The following MYLK4 variants were observed in gnomAD, a reference collection of about 807,000 sequenced individuals.
The protein encoded by MYLK4 is myosin light chain kinase family member 4.
In MYLK4, 46 loss-of-function variants were observed where a neutral mutation model predicts 48.1. That is an observed-to-expected ratio of 0.96 (90% CI 0.75 to 1.22). The LOEUF is 1.22. Ranked by LOEUF, MYLK4 falls within the 50% of genes most tolerant of loss-of-function variation. The pLI is 0.00. For synonymous variants in MYLK4, 170 were observed against 180.8 expected, an observed-to-expected ratio of 0.94 and a Z score of 0.48; for missense variants, 451 against 486.1, an observed-to-expected ratio of 0.93 and a Z score of 0.68.
intron 2 of MYLK4, among the ~76,000 whole-genome samples, chr6:2,743,529 G>C (rs1763967463): frequency 1.3e-5 from 2 of 152,322 alleles, no homozygotes; most frequent in South Asian, 4.1e-4. Flanking sequence ...TGCAGGTGCT[G>C]TGTTTGCAAT....
chr6:2,680,571 G>A (rs6939996), intron 7 of MYLK4: 344,137 of 985,042 alleles, frequency 0.35, 61,787 homozygotes, highest in Non-Finnish European at 0.37. Context: ...AGCAAGAAAA[G>A]GAGGTTGCTT....
intron 1 of MYLK4, 67 bp from the exon 2 acceptor site, chr6:2,749,473 A>G (rs112743653): frequency 8.8e-5 from 41 of 463,854 alleles, no homozygotes; most frequent in African/African-American, 7.0e-4. Context: ...TGAGAAAATG[A>G]CCAGTGAGAA....
chr6:2,675,247 C>A, intron 10 of MYLK4, 122 bp from the exon 11 acceptor site: 1 of 711,644 alleles, frequency 1.4e-6, no homozygotes, highest in Non-Finnish European at 2.6e-6. Context: ...AACTCATGGT[C>A]AATTCTGCCT....
At chr6:2,707,519 A>C (rs1048712598) in intron 2 of MYLK4, among the ~76,000 whole-genome samples, 1 of 152,318 alleles carries the variant, frequency 6.6e-6, no homozygotes, top group Admixed American at 6.5e-5. Flanking sequence ...TTCATTTTCT[A>C]TTCACCCCCA....
chr6:2,671,367 A>G lies in MYLK4; in HGVS notation c.1120-19T>C. Reference sequence around the variant, plus strand: ...TCTTCTTCTAGGGAAAGCAGAAGGCATATGGGAAGGATTAGGACTGTTTCC... The same window carrying G: ...TCTTCTTCTAGGGAAAGCAGAAGGCGTATGGGAAGGATTAGGACTGTTTCC... On this transcript the variant is annotated intron_variant, in intron 11 of 12. Transcript: ENST00000274643. 1 of 1,612,784 alleles carries G rather than the reference A, an allele frequency of 6.2e-7. No individual in the cohort carries two copies. Among genetic ancestry groups the G allele is most frequent in the African/African-American group, 1.3e-5 (1 of 75,038 alleles).
rs368022775 is a variant in MYLK4, at chr6:2,683,150, C to T, written c.558G>A (p.Gly186=). 1 of 1,614,026 alleles carries T rather than the reference C, an allele frequency of 6.2e-7. No homozygotes were observed. The highest frequency in any genetic ancestry group is 8.5e-7 in the Non-Finnish European group (1 of 1,179,994). The stretch of plus-strand genomic sequence containing the variant: ...CATCGATGATGCGGTCAAACAGCTC[C>T]CCACCATCCACACTGCAGAGGGAAG... ...IVLVMEYVDG[G]ELFDRIIDES... The change falls in exon 7 of 13, where the codon GGG becomes GGA. Residue 186 remains glycine (G), a synonymous_variant. Transcript: ENST00000274643.
intron 2 of MYLK4, among the ~76,000 whole-genome samples, chr6:2,701,687 C>T (rs1762285852): frequency 3.3e-5 from 5 of 152,184 alleles, no homozygotes; most frequent in African/African-American, 9.7e-5. Flanking sequence ...CATTTAGTCG[C>T]CTGGTCCAGT....
chr6:2,738,828 C>G (rs528375124), intron 2 of MYLK4, among the ~76,000 whole-genome samples: 1 of 152,290 alleles, frequency 6.6e-6, no homozygotes, highest in Non-Finnish European at 1.5e-5. Flanking sequence ...GTTACTATAA[C>G]AGTAGATACA....
At chr6:2,764,334 C>A in the MYLK4 span, among the ~76,000 whole-genome samples, 6 of 152,118 alleles carry the variant, frequency 3.9e-5, no homozygotes, top group Admixed American at 1.3e-4. Flanking sequence ...CGGAAGGGTC[C>A]CGGGCGCCCA....
intron 2 of MYLK4, among the ~76,000 whole-genome samples, chr6:2,698,553 A>G (rs1266575066): frequency 6.6e-6 from 1 of 152,220 alleles, no homozygotes; most frequent in East Asian, 1.9e-4. Flanking sequence ...AAATGCCAAG[A>G]TGAACAATTT....
intron 2 of MYLK4, among the ~76,000 whole-genome samples, chr6:2,715,191 C>T (rs551171268): frequency 1.1e-4 from 16 of 148,820 alleles, no homozygotes; most frequent in African/African-American, 2.5e-4. Flanking sequence ...ACCTGGGAGG[C>T]GGAGGTTGCG....
chr6:2,748,850 T>A (rs1209264022), intron 2 of MYLK4, among the ~76,000 whole-genome samples: 1 of 152,192 alleles, frequency 6.6e-6, no homozygotes, highest in African/African-American at 2.4e-5. Flanking sequence ...CAAGCCCAAA[T>A]CCATCATGCT....
intron 1 of MYLK4, among the ~76,000 whole-genome samples, chr6:2,750,153 C>T (rs551616867): frequency 2.8e-4 from 43 of 152,334 alleles, no homozygotes; most frequent in African/African-American, 1.0e-3. Context: ...GTGCTAGTTC[C>T]GCATGGCTGA....
Position 2,710,367 on chromosome 6 carries a change from T to C in MYLK4, c.160-17508A>G, listed in dbSNP as rs1465381840. 5.3e-5 allele frequency among the ~76,000 whole-genome samples: 8 copies of C among 152,224 alleles called. No homozygotes were observed. In the East Asian group the frequency reaches 1.5e-3, roughly 29 times the overall value. The stretch of plus-strand genomic sequence containing the variant: ...TTACAGCCCCCACTCCCTCCCCAAG[T>C]CTTAAAACTTAAAAAAGTTACATTT... On this transcript the variant is annotated intron_variant, in intron 2 of 12. Coordinates refer to ENST00000274643, the MANE Select transcript of MYLK4 (RefSeq NM_001012418.5).
Position 2,697,761 on chromosome 6 carries a change from G to A in MYLK4, c.160-4902C>T, listed in dbSNP as rs1276914162. On this transcript the variant is annotated intron_variant, in intron 2 of 12. Transcript: ENST00000274643. ...TCTGGACCTCAACAATGCCACCATC[G>A]TTTTCCGTGTTACTGCAGCGTTCTC... 5.3e-5 allele frequency among the ~76,000 whole-genome samples: 8 copies of A among 152,206 alleles called. No individual in the cohort carries two copies. The East Asian group carries it at 5.8e-4, about 11-fold the overall frequency.
At chr6:2,669,891 G>A (rs1025606316) in intron 12 of MYLK4, among the ~76,000 whole-genome samples, 2 of 152,220 alleles carry the variant, frequency 1.3e-5, no homozygotes, top group African/African-American at 4.8e-5. Context: ...GCACATGTAA[G>A]CGTCCCTTCC....
chr6:2,685,646 C>T lies in MYLK4; in HGVS notation c.342-70G>A, dbSNP rs1382312317. On this transcript the variant is annotated intron_variant, in intron 4 of 12. Coordinates refer to ENST00000274643, the MANE Select transcript of MYLK4 (RefSeq NM_001012418.5). This position sits in a 1 kb window ranked among gnomAD's most constrained non-coding sequence, Gnocchi z 4.5. ...CTGCCGAGTGGACAGCGCACAGTGG[C>T]CCCAGTATTTCTCCTGCTGAGTCTG... 1 of 1,399,042 alleles carries T rather than the reference C, an allele frequency of 7.1e-7. No homozygotes were observed. Among genetic ancestry groups the T allele is most frequent in the Non-Finnish European group, 1.0e-6 (1 of 991,714 alleles). The allele number at this position is 1,399,042 out of a possible 1,614,324, so 86.7% of individuals were successfully genotyped here. A position where few individuals can be genotyped will look rare whatever the true frequency, so the allele number is the denominator to read the frequency against.
chr6:2,690,823 C>CTT (rs35133716), intron 3 of MYLK4, among the ~76,000 whole-genome samples: 1,773 of 88,800 alleles, frequency 0.02, 67 homozygotes, highest in African/African-American at 0.035. Flanking sequence ...CTCTCTGAAT[C>CTT]TTTTTTTTTT....
At chr6:2,680,779 T>C (rs1030071245) in intron 7 of MYLK4, among the ~76,000 whole-genome samples, 4 of 152,206 alleles carry the variant, frequency 2.6e-5, no homozygotes, top group African/African-American at 7.2e-5. Context: ...AGAGCTTCCC[T>C]TTGCTCAACG....
Sources: gnomAD v4.1 joint callset for allele counts (sites outside exome capture counted in the v4.1 genomes callset) on GRCh38, gnomAD v4.1.1 for gene constraint, Gnocchi (gnomAD v3.1) non-coding constraint, MANE v1.5 for transcripts, NCBI Gene and HGNC (gene_info 2026-07-23, HGNC 2026-07-21) for gene names.